The following RPA3 variants were observed in gnomAD, a reference collection of about 807,000 sequenced individuals.
The protein encoded by RPA3 is replication protein A3, also known as replication protein A 14 kDa subunit.
Under a neutral mutation model 13.7 loss-of-function variants are expected in RPA3, and 24 were observed. That is an observed-to-expected ratio of 1.75 (90% confidence interval 1.27 to 2.46). RPA3 has a LOEUF of 2.46. Ranked by LOEUF, RPA3 falls within the 30% of genes most tolerant of loss-of-function variation. The pLI is 0.00. For missense variants in RPA3, 183 were observed against 151.0 expected (o/e 1.21, Z -1.11); for synonymous variants, 59 against 51.2 (o/e 1.15, Z -0.65).
chr7:7,688,900 G>T (rs1436820623), intron 2 of RPA3, among the ~76,000 whole-genome samples: 1 of 151,968 alleles, frequency 6.6e-6, no homozygotes, highest in South Asian at 2.1e-4. Context: ...TTCTATTAAG[G>T]TATTTTCTCC....
chr7:7,685,334 G>A (rs1489017585), intron 4 of RPA3, among the ~76,000 whole-genome samples: 2 of 143,122 alleles, frequency 1.4e-5, no homozygotes, highest in East Asian at 2.1e-4. Context: ...TTTTTGAGAC[G>A]GAGTCTTGCT....
Position 7,672,971 on chromosome 7 carries a change from C to T in RPA3, c.-758+12859G>A, listed in dbSNP as rs542376450. Reference sequence around the variant, plus strand: ...GTTTATTTTATTTTTTCCTATCACCCAAACCAGTGTCTGTTTTATGGTTAG... The same window carrying T: ...GTTTATTTTATTTTTTCCTATCACCTAAACCAGTGTCTGTTTTATGGTTAG... On this transcript the variant is annotated intron_variant, in intron 4 of 7. Coordinates refer to ENST00000223129, the MANE Select transcript of RPA3 (RefSeq NM_002947.5). Among the ~76,000 whole-genome samples the T allele has an allele frequency of 3.0e-3, 452 of 152,270 alleles. 3 individuals are homozygous for T. Among genetic ancestry groups the T allele is most frequent in the African/African-American group, 0.01 (436 of 41,556 alleles).
intron 2 of RPA3, among the ~76,000 whole-genome samples, chr7:7,706,671 C>T (rs1416519475): frequency 1.3e-5 from 2 of 152,032 alleles, no homozygotes; most frequent in African/African-American, 4.8e-5. Context: ...GAACTTAGTA[C>T]TATTATTTCT....
chr7:7,660,239 C>G (rs1785440380), intron 4 of RPA3, among the ~76,000 whole-genome samples: 1 of 152,150 alleles, frequency 6.6e-6, no homozygotes. Flanking sequence ...ACTGATGGAT[C>G]TTGACTCTTT....
chr7:7,710,014 C>G (rs1442822391), intron 2 of RPA3, among the ~76,000 whole-genome samples: 1 of 152,032 alleles, frequency 6.6e-6, no homozygotes, highest in African/African-American at 2.4e-5. Flanking sequence ...GTTTTACAAC[C>G]ATATATAAAT....
intron 2 of RPA3, among the ~76,000 whole-genome samples, chr7:7,698,923 C>A (rs1457712893): frequency 6.9e-6 from 1 of 145,252 alleles, no homozygotes. Flanking sequence ...GGTCTGATAA[C>A]AGCTCACTGA....
intron 2 of RPA3, among the ~76,000 whole-genome samples, chr7:7,706,543 C>T (rs770177818): frequency 6.6e-6 from 1 of 152,122 alleles, no homozygotes; most frequent in Non-Finnish European, 1.5e-5. Context: ...TGTTAGATAT[C>T]ATTTTTTAAA....
intron 4 of RPA3, among the ~76,000 whole-genome samples, chr7:7,666,920 C>T (rs570688288): frequency 6.6e-6 from 1 of 152,176 alleles, no homozygotes; most frequent in African/African-American, 2.4e-5. Context: ...ATTCTCCTGC[C>T]TCTCAGCCTC....
At chr7:7,717,557 G>A (rs1389384221) in intron 1 of RPA3, among the ~76,000 whole-genome samples, 2 of 152,144 alleles carry the variant, frequency 1.3e-5, no homozygotes, top group African/African-American at 4.8e-5. Flanking sequence ...TATTTTTTAT[G>A]ATTTCCCACT....
intron 2 of RPA3, among the ~76,000 whole-genome samples, chr7:7,698,870 CTTTTTTTTT>C (rs57968079): frequency 7.6e-6 from 1 of 131,956 alleles, no homozygotes; most frequent in Non-Finnish European, 1.6e-5. Context: ...ACCCTCTTGT[CTTTTTTTTT>C]TTTTTTTTTG....
chr7:7,673,222 A>C (rs1779650222), intron 4 of RPA3: 2 of 832,092 alleles, frequency 2.4e-6, no homozygotes, highest in Non-Finnish European at 4.0e-6. Flanking sequence ...AACTATTGTT[A>C]TATCGTTATG....
At chr7:7,657,597 G>A in intron 4 of RPA3, among the ~76,000 whole-genome samples, 1 of 151,936 alleles carries the variant, frequency 6.6e-6, no homozygotes, top group Non-Finnish European at 1.5e-5. Context: ...GTTTTTTTCA[G>A]GTATGTCAAA....
At chr7:7,689,649 C>G (rs1363035280) in intron 2 of RPA3, among the ~76,000 whole-genome samples, 1 of 152,126 alleles carries the variant, frequency 6.6e-6, no homozygotes, top group Non-Finnish European at 1.5e-5. Flanking sequence ...ATATGTATAT[C>G]TCAGTAAAGC....
chr7:7,679,842 G>A (rs531052930), intron 4 of RPA3, among the ~76,000 whole-genome samples: 4 of 151,252 alleles, frequency 2.6e-5, no homozygotes, highest in Admixed American at 6.6e-5. Context: ...TGGGATTACA[G>A]GCGTGAGCTG....
intron 4 of RPA3, among the ~76,000 whole-genome samples, chr7:7,673,675 C>T (rs1029594119): frequency 1.3e-5 from 2 of 150,782 alleles, no homozygotes; most frequent in East Asian, 2.0e-4. Flanking sequence ...CTGTGTTCTC[C>T]AAGTTAAATG....
chr7:7,703,490 C>T (rs1171351940), intron 2 of RPA3, among the ~76,000 whole-genome samples: 2 of 152,104 alleles, frequency 1.3e-5, no homozygotes, highest in Non-Finnish European at 1.5e-5. Flanking sequence ...GGATATAGCA[C>T]ATACACATAA....
intron 2 of RPA3, among the ~76,000 whole-genome samples, chr7:7,709,102 T>G (rs1238358945): frequency 6.6e-6 from 1 of 152,194 alleles, no homozygotes; most frequent in Non-Finnish European, 1.5e-5. Context: ...AATAATTTCT[T>G]AGATATTTTG....
rs55947027 is a variant in RPA3 at position 7,637,849 on chromosome 7, G to C, written c.283+15C>G. 368 of 1,576,612 alleles carry C rather than the reference G, an allele frequency of 2.3e-4. 1 individual carries two copies. The African/African-American group carries it at 4.3e-3, about 18-fold the overall frequency. On this transcript the variant is annotated intron_variant, in intron 7 of 7. Transcript: ENST00000223129. ...AATTACATAAAACCAGTCAATACTAGAATGCTTTATTTACCAAAAGGATGG... is the reference window on the plus strand; with the variant it reads ...AATTACATAAAACCAGTCAATACTACAATGCTTTATTTACCAAAAGGATGG...
At chr7:7,676,652 T>G (rs1779748157) in intron 4 of RPA3, among the ~76,000 whole-genome samples, 1 of 152,204 alleles carries the variant, frequency 6.6e-6, no homozygotes, top group South Asian at 2.1e-4. Context: ...AAAGTTTGGC[T>G]TTTATTTTGG....
Sources: gnomAD v4.1 joint callset for allele counts (sites outside exome capture counted in the v4.1 genomes callset) on GRCh38, gnomAD v4.1.1 for gene constraint, MANE v1.5 for transcripts, NCBI Gene and HGNC (gene_info 2026-07-23, HGNC 2026-07-21) for gene names.